Variants in DLGAP2 observed in about 807,000 individuals in gnomAD.
DLGAP2 encodes DLG associated protein 2, also known as disks large-associated protein 2.
In DLGAP2, 26 loss-of-function variants were observed where a neutral mutation model predicts 100.3. The observed-to-expected ratio is 0.26, with a 90% CI of 0.19 to 0.36. The LOEUF (loss-of-function observed/expected upper bound fraction) is 0.36, where lower values mean the gene tolerates loss of function less well. Among genes scored for constraint, DLGAP2 ranks in the 10% least tolerant of loss-of-function variants. The pLI, the probability that DLGAP2 is intolerant of heterozygous loss-of-function variation, is 1.00. For missense variants in DLGAP2, 1,858 were observed against 1,453.2 expected (o/e 1.28, Z -4.53); for synonymous variants, 886 against 630.1 (o/e 1.41, Z -6.08).
chr8:1,094,685 A>G (rs914156594), intron 2 of DLGAP2, among the ~76,000 whole-genome samples: 1 of 152,108 alleles, frequency 6.6e-6, no homozygotes, highest in African/African-American at 2.4e-5. Flanking sequence ...TTGTGTCTTT[A>G]TTGACCGTGC....
At chr8:1,658,570 G>C (rs1339808623) in intron 8 of DLGAP2, among the ~76,000 whole-genome samples, 1 of 152,158 alleles carries the variant, frequency 6.6e-6, no homozygotes, top group African/African-American at 2.4e-5. Context: ...GTTAGTCATG[G>C]GAGGGTGTAT....
At chr8:1,064,155 A>G (rs979890351) in intron 2 of DLGAP2, among the ~76,000 whole-genome samples, 4 of 152,144 alleles carry the variant, frequency 2.6e-5, no homozygotes, top group Non-Finnish European at 5.9e-5. Context: ...GTGTGGGACT[A>G]TTTTACTAAG....
intron 3 of DLGAP2, among the ~76,000 whole-genome samples, chr8:1,348,795 G>C (rs1563098026): frequency 6.6e-6 from 1 of 152,204 alleles, no homozygotes; most frequent in Non-Finnish European, 1.5e-5. Context: ...GTATGCGGTG[G>C]AGCGTGTTGA....
At chr8:1,329,768 C>T (rs1025723002) in intron 3 of DLGAP2, among the ~76,000 whole-genome samples, 2 of 152,306 alleles carry the variant, frequency 1.3e-5, no homozygotes, top group African/African-American at 4.8e-5. Flanking sequence ...GCTGTACCTG[C>T]CTGAGCCCAA....
chr8:1,202,374 C>T (rs983444665), intron 2 of DLGAP2, among the ~76,000 whole-genome samples: 1 of 151,840 alleles, frequency 6.6e-6, no homozygotes, highest in Non-Finnish European at 1.5e-5. Context: ...ACCTGTTGTG[C>T]TGTGCAGTGG....
At chr8:1,658,254 A>T (rs777978779) in intron 8 of DLGAP2, among the ~76,000 whole-genome samples, 3 of 152,072 alleles carry the variant, frequency 2.0e-5, no homozygotes, top group Non-Finnish European at 2.9e-5. Context: ...AGCAAAAGCG[A>T]GCAGGAGATG....
Position 1,704,720 on chromosome 8 carries a change from G to C in DLGAP2, c.*3314G>C, listed in dbSNP as rs2130900243. 1 of 152,126 alleles carries C rather than the reference G, an allele frequency of 6.6e-6. No individual in the cohort carries two copies. Among genetic ancestry groups the C allele is most frequent in the Middle Eastern group, 3.4e-3 (1 of 294 alleles). 9.4% of individuals were successfully genotyped at this position (152,126 alleles called of 1,614,324 possible). On this transcript the variant is annotated 3_prime_UTR_variant, in exon 15 of 15. Coordinates refer to ENST00000637795, the MANE Select transcript of DLGAP2 (RefSeq NM_001346810.2). ...AAAAACTTCAAGCACTTAATGGAAAGGTAAATGGTCAGATAAAAATATAAT... is the reference window on the plus strand; with the variant it reads ...AAAAACTTCAAGCACTTAATGGAAACGTAAATGGTCAGATAAAAATATAAT...
At chr8:1,671,281 G>A (rs1798683724) in intron 10 of DLGAP2, among the ~76,000 whole-genome samples, 1 of 152,258 alleles carries the variant, frequency 6.6e-6, no homozygotes, top group Non-Finnish European at 1.5e-5. Context: ...ACACAGGGCA[G>A]GTGTCACGCT....
At chr8:1,559,060 C>T (rs553187898) in intron 5 of DLGAP2, among the ~76,000 whole-genome samples, 98 of 152,300 alleles carry the variant, frequency 6.4e-4, no homozygotes, top group Non-Finnish European at 1.1e-3. Flanking sequence ...CCAGTTTGTG[C>T]AGTGTTGAAC....
chr8:824,963 G>A (rs956938862), intron 1 of DLGAP2, among the ~76,000 whole-genome samples: 8 of 152,122 alleles, frequency 5.3e-5, no homozygotes, highest in African/African-American at 1.7e-4. Context: ...GAGAGGGGCC[G>A]CCCCACCTCC....
At chr8:1,046,690 TG>T (rs1802525406) in intron 2 of DLGAP2, among the ~76,000 whole-genome samples, 1 of 152,250 alleles carries the variant, frequency 6.6e-6, no homozygotes, top group African/African-American at 2.4e-5. Flanking sequence ...GTCTTGCATA[TG>T]TAGCTGCTTT....
In DLGAP2 at chr8:1,632,837, C is replaced by A; in HGVS notation, c.1601C>A (p.Ala534Glu). ...QASCVSQVSE[A>E]EINGQFESVC... Reference sequence around the variant, plus strand: ...TGTTGATGATTGCAGGTGAGCGAGGCGGAGATCAATGGGCAATTCGAGTCC... The same window carrying A: ...TGTTGATGATTGCAGGTGAGCGAGGAGGAGATCAATGGGCAATTCGAGTCC... The change falls in exon 8 of 15, where the codon GCG (alanine) becomes GAG (glutamate). Residue 534 changes from alanine (A) to glutamate (E), a missense_variant. Coordinates refer to ENST00000637795, the MANE Select transcript of DLGAP2 (RefSeq NM_001346810.2). 1 of 1,608,698 alleles carries A rather than the reference C, an allele frequency of 6.2e-7. No individual in the cohort carries two copies. Among genetic ancestry groups the A allele is most frequent in the Non-Finnish European group, 8.5e-7 (1 of 1,176,792 alleles).
chr8:1,231,448 G>A (rs894702624), intron 2 of DLGAP2, among the ~76,000 whole-genome samples: 3 of 152,134 alleles, frequency 2.0e-5, no homozygotes, highest in Admixed American at 1.3e-4. Context: ...AAAGAATTTA[G>A]AACTACTGTT....
intron 2 of DLGAP2, among the ~76,000 whole-genome samples, chr8:1,005,940 G>A (rs551575965): frequency 2.4e-4 from 36 of 152,244 alleles, no homozygotes; most frequent in South Asian, 1.5e-3. Flanking sequence ...GGTCTGGCGC[G>A]GTGGCTCACG....
intron 2 of DLGAP2, among the ~76,000 whole-genome samples, chr8:1,169,502 TC>T (rs1190277453): frequency 6.6e-6 from 1 of 152,212 alleles, no homozygotes; most frequent in Non-Finnish European, 1.5e-5. Context: ...TATTGATTCT[TC>T]CTATCCATGA....
intron 1 of DLGAP2, among the ~76,000 whole-genome samples, chr8:867,120 G>C (rs1339622639): frequency 6.6e-6 from 1 of 152,174 alleles, no homozygotes; most frequent in African/African-American, 2.4e-5. Context: ...CGTCACCGTG[G>C]GCAAAGTGAC....
At chr8:1,259,370 A>G (rs570631820) in intron 3 of DLGAP2, among the ~76,000 whole-genome samples, 3 of 152,334 alleles carry the variant, frequency 2.0e-5, no homozygotes, top group East Asian at 3.9e-4. Flanking sequence ...CTGTGTTTAA[A>G]ACACGCGGCA....
intron 1 of DLGAP2, among the ~76,000 whole-genome samples, chr8:780,021 A>C (rs1303320126): frequency 6.6e-6 from 1 of 152,212 alleles, no homozygotes; most frequent in African/African-American, 2.4e-5. Flanking sequence ...AAAACATTAA[A>C]ATTCTATTCT....
At chr8:996,968 G>A (rs1421563002) in intron 2 of DLGAP2, among the ~76,000 whole-genome samples, 1 of 152,192 alleles carries the variant, frequency 6.6e-6, no homozygotes, top group Non-Finnish European at 1.5e-5. Context: ...GAATCTATCT[G>A]GAGGTACATT....
Sources: allele counts gnomAD v4.1 joint callset (sites outside exome capture counted in the v4.1 genomes callset), GRCh38; gene constraint gnomAD v4.1.1; transcripts MANE v1.5; gene names NCBI Gene and HGNC (gene_info 2026-07-23, HGNC 2026-07-21).